Variants in CACNA2D1 observed in about 807,000 individuals in gnomAD.
The protein encoded by CACNA2D1 is voltage-dependent calcium channel subunit alpha-2/delta-1.
A neutral mutation model predicts 171.5 loss-of-function variants in CACNA2D1; 53 were observed. That is an observed-to-expected ratio of 0.31 (90% confidence interval 0.25 to 0.39). The LOEUF (loss-of-function observed/expected upper bound fraction) is 0.39, where lower values mean the gene tolerates loss of function less well. Ranked by LOEUF, CACNA2D1 falls within the 10% of genes least tolerant of loss-of-function variation. The pLI is 1.00. For synonymous variants in CACNA2D1, 442 were observed against 443.1 expected (o/e 1.00, Z 0.03); for missense variants, 903 against 1,299.8 (o/e 0.69, Z 4.69).
chr7:82,156,310 T>G (rs1794367423), intron 4 of CACNA2D1, among the ~76,000 whole-genome samples: 2 of 152,144 alleles, frequency 1.3e-5, no homozygotes, highest in Admixed American at 1.3e-4. Context: ...TCTAGCTTTC[T>G]ATTTACTTTT....
rs529619274 is a variant in CACNA2D1 at position 82,165,988 on chromosome 7, ACTGT to A, written c.354+4558_354+4561del. Among the ~76,000 whole-genome samples, 404 of 151,634 alleles carry A rather than the reference ACTGT, an allele frequency of 2.7e-3. 5 individuals are homozygous for A. The highest frequency in any genetic ancestry group is 5.1e-3 in the Admixed American group (78 of 15,218). On this transcript the variant is annotated intron_variant, in intron 4 of 38. Coordinates refer to ENST00000356860, the MANE Select transcript of CACNA2D1 (RefSeq NM_000722.4). ...AATATCCAAGACCTCATACCAAGTG[ACTGT>A]CTGTCTTCGATTCTAAGTAAAACAA...
chr7:82,064,253 C>T (rs1210859805), intron 9 of CACNA2D1, 51 bp downstream of exon 9: 2 of 1,271,430 alleles, frequency 1.6e-6, no homozygotes, highest in Admixed American at 1.7e-5. Flanking sequence ...CTGTTATCTA[C>T]AAATCCTCCC....
At position 82,065,178 on chromosome 7, in the gene CACNA2D1, C is replaced by T. The variant is rs114559024; in HGVS notation, c.729-824G>A. On this transcript the variant is annotated intron_variant, in intron 8 of 38. Transcript: ENST00000356860. ...AACTTCTCAGGAGGCTGCCAGTTAA[C>T]TTTCCAATTAGTTTTCAGACAACAT... 7.1e-3 allele frequency among the ~76,000 whole-genome samples: 1,077 copies of T among 152,252 alleles called. 18 individuals carry two copies. The highest frequency in any genetic ancestry group is 0.024 in the African/African-American group (1,014 of 41,552).
chr7:82,221,405 C>G (rs1281945556), intron 3 of CACNA2D1, among the ~76,000 whole-genome samples: 1 of 152,128 alleles, frequency 6.6e-6, no homozygotes, highest in Non-Finnish European at 1.5e-5. Flanking sequence ...AACACATTTT[C>G]TACAGTAGAT....
At chr7:82,064,248 A>T in intron 9 of CACNA2D1, 56 bp downstream of exon 9, 1 of 1,203,870 alleles carries the variant, frequency 8.3e-7, no homozygotes, top group Non-Finnish European at 1.2e-6. Flanking sequence ...TACTACTGTT[A>T]TCTACAAATC....
chr7:82,373,165 CAG>C (rs781185510), intron 1 of CACNA2D1, among the ~76,000 whole-genome samples: 47 of 152,082 alleles, frequency 3.1e-4, no homozygotes, highest in Non-Finnish European at 5.1e-4. Context: ...GCCAGGGTGA[CAG>C]AGTGAGACAC....
intron 18 of CACNA2D1, among the ~76,000 whole-genome samples, chr7:81,998,425 A>G (rs866564621): frequency 6.6e-6 from 1 of 152,002 alleles, no homozygotes. Flanking sequence ...TTAGGAAGAA[A>G]CTTCCCAAGG....
chr7:82,132,411 T>G (rs1339021123), intron 5 of CACNA2D1, among the ~76,000 whole-genome samples: 1 of 152,192 alleles, frequency 6.6e-6, no homozygotes, highest in South Asian at 2.1e-4. Flanking sequence ...GGTCAAGGGT[T>G]GGGAGGAAAA....
At chr7:82,043,898 T>C (rs1009958949) in intron 10 of CACNA2D1, among the ~76,000 whole-genome samples, 1 of 152,198 alleles carries the variant, frequency 6.6e-6, no homozygotes. Context: ...AGTCTTCCTT[T>C]GAATGGTTTA....
At chr7:82,201,566 TG>T (rs1229185046) in intron 3 of CACNA2D1, among the ~76,000 whole-genome samples, 1 of 152,132 alleles carries the variant, frequency 6.6e-6, no homozygotes, top group African/African-American at 2.4e-5. Flanking sequence ...CCCCTTTACA[TG>T]CCCAGGTGCA....
chr7:82,239,042 T>C (rs990727338), intron 3 of CACNA2D1, among the ~76,000 whole-genome samples: 4 of 152,100 alleles, frequency 2.6e-5, no homozygotes, highest in Non-Finnish European at 4.4e-5. Flanking sequence ...ATTCAACTGA[T>C]GAAAAGAAAA....
chr7:82,159,664 A>G (rs1794733573), intron 4 of CACNA2D1, among the ~76,000 whole-genome samples: 1 of 151,354 alleles, frequency 6.6e-6, no homozygotes, highest in East Asian at 2.0e-4. Context: ...TCAGAATCTG[A>G]TGTTATGAAC....
chr7:81,973,169 T>C (rs1463745705), intron 25 of CACNA2D1, among the ~76,000 whole-genome samples: 3 of 152,090 alleles, frequency 2.0e-5, no homozygotes, highest in African/African-American at 4.8e-5. Flanking sequence ...ATAATTTTGG[T>C]ATCCAATTAA....
At chr7:82,389,137 T>C (rs1217478472) in intron 1 of CACNA2D1, among the ~76,000 whole-genome samples, 1 of 138,752 alleles carries the variant, frequency 7.2e-6, no homozygotes, top group Non-Finnish European at 1.5e-5. Context: ...AATTAGTATA[T>C]ATATATATAT....
intron 4 of CACNA2D1, among the ~76,000 whole-genome samples, chr7:82,167,898 T>G (rs1301079209): frequency 6.6e-6 from 1 of 152,116 alleles, no homozygotes; most frequent in East Asian, 1.9e-4. Flanking sequence ...TAAGAATTCC[T>G]AATACTTACT....
chr7:82,006,404 T>C (rs1416212131), intron 16 of CACNA2D1, among the ~76,000 whole-genome samples: 1 of 152,066 alleles, frequency 6.6e-6, no homozygotes. Context: ...ACAGGCATCA[T>C]AGTTTTAGGT....
intron 24 of CACNA2D1, among the ~76,000 whole-genome samples, chr7:81,980,555 A>G (rs80047047): frequency 6.6e-6 from 1 of 152,176 alleles, no homozygotes; most frequent in Non-Finnish European, 1.5e-5. Context: ...TAAAGACAAT[A>G]TACAATCACT....
chr7:82,081,399 T>C (rs1159163223), intron 7 of CACNA2D1, among the ~76,000 whole-genome samples: 1 of 152,170 alleles, frequency 6.6e-6, no homozygotes, highest in Non-Finnish European at 1.5e-5. Context: ...AGTTATGACA[T>C]TGTCTCAATG....
At chr7:82,203,219 CTGGTGCTGGTAGACACCAGCACGGA>C (rs1378068325) in intron 3 of CACNA2D1, among the ~76,000 whole-genome samples, 1 of 152,096 alleles carries the variant, frequency 6.6e-6, no homozygotes, top group Non-Finnish European at 1.5e-5. Flanking sequence ...ACAGAGAGTG[CTGGTGCTGGTAGACACCAGCACGGA>C]TACATTCTGG....
Sources: allele counts gnomAD v4.1 joint callset (sites outside exome capture counted in the v4.1 genomes callset), GRCh38; gene constraint gnomAD v4.1.1; transcripts MANE v1.5; gene names NCBI Gene and HGNC (gene_info 2026-07-23, HGNC 2026-07-21).